LPP: variants seen among roughly 807,000 people sequenced by gnomAD.
LPP encodes the protein LIM domain containing preferred translocation partner in lipoma.
Under a neutral mutation model 60.4 loss-of-function variants are expected in LPP, and 38 were observed. The ratio of observed to expected loss-of-function variants is 0.63; its 90% CI spans 0.49 to 0.83. LPP has a LOEUF of 0.83. LPP is among the 40% of genes least tolerant of loss of function. LPP has a pLI of 0.00. For synonymous variants in LPP, 328 were observed against 290.8 expected (o/e 1.13, Z -1.30); for missense variants, 902 against 783.6 (o/e 1.15, Z -1.80).
Position 188,195,115 on chromosome 3 carries a change from T to C in LPP, c.-189-30290T>C, listed in dbSNP as rs1451593223. 2.0e-5 allele frequency among the ~76,000 whole-genome samples: 3 copies of C among 152,074 alleles called. No homozygotes were observed. The East Asian group carries it at 5.8e-4, about 29-fold the overall frequency. On this transcript the variant is annotated intron_variant, in intron 1 of 11. Transcript: ENST00000617246. ...CTCTACTAAAAGTACAAAAATTAGC[T>C]GGGCGTCGTGGCTTGTGGCTATAAT...
chr3:188,879,443 C>G lies in LPP; in HGVS notation c.*4964C>G. 1 of 209,206 alleles carries G rather than the reference C, an allele frequency of 4.8e-6. No individual in the cohort carries two copies. Among genetic ancestry groups the G allele is most frequent in the Non-Finnish European group, 9.7e-6 (1 of 102,876 alleles). The allele number at this position is 209,206 out of a possible 1,614,324, so 13.0% of individuals were successfully genotyped here. On this transcript the variant is annotated 3_prime_UTR_variant, in exon 12 of 12. Coordinates refer to ENST00000617246, the MANE Select transcript of LPP (RefSeq NM_001375462.1). ...ATATATGTGGCATCCATAAAATCTT[C>G]TTTTATAGGGGCATATTTTTTAGGT...
intron 4 of LPP, among the ~76,000 whole-genome samples, chr3:188,456,047 C>T (rs1449725759): frequency 6.6e-6 from 1 of 152,126 alleles, no homozygotes; most frequent in Non-Finnish European, 1.5e-5. Context: ...TGTGCCCCAC[C>T]ACACCTGGCT....
chr3:188,329,238 GT>G (rs1473240757), intron 2 of LPP, among the ~76,000 whole-genome samples: 1 of 152,192 alleles, frequency 6.6e-6, no homozygotes, highest in Non-Finnish European at 1.5e-5. Context: ...GCACAAGTTA[GT>G]GGCGGAGCTG....
intron 6 of LPP, among the ~76,000 whole-genome samples, chr3:188,594,275 G>A (rs1286329974): frequency 6.6e-6 from 1 of 152,178 alleles, no homozygotes; most frequent in East Asian, 1.9e-4. Context: ...TGAAGGGGAA[G>A]GAACTGAGTC....
At chr3:188,536,333 G>A (rs1193310751) in intron 6 of LPP, among the ~76,000 whole-genome samples, 5 of 150,330 alleles carry the variant, frequency 3.3e-5, no homozygotes, top group Admixed American at 2.7e-4. Flanking sequence ...TTTTTTTTGC[G>A]TTTACTGCCA....
At chr3:188,843,653 G>T (rs917497230) in intron 9 of LPP, among the ~76,000 whole-genome samples, 3 of 150,248 alleles carry the variant, frequency 2.0e-5, no homozygotes, top group African/African-American at 7.5e-5. Flanking sequence ...CGGGCGCAGT[G>T]GGGGGCGCCT....
chr3:188,352,148 A>G lies in LPP; in HGVS notation c.-10+10429A>G, dbSNP rs1480441905. 2.6e-5 allele frequency among the ~76,000 whole-genome samples: 4 copies of G among 152,214 alleles called. No homozygotes were observed. The highest frequency in any genetic ancestry group is 4.8e-5 in the African/African-American group (2 of 41,464). On this transcript the variant is annotated intron_variant, in intron 3 of 11. Coordinates refer to ENST00000617246, the MANE Select transcript of LPP (RefSeq NM_001375462.1). The surrounding 1 kb of genome is among the most constrained non-coding windows in gnomAD (Gnocchi z 4.4). ...GCAGGTCTTAAGGCTCTGTGATGGCAGAGTCTTCTGTATTGGACTGTGAAG... is the reference window on the plus strand; with the variant it reads ...GCAGGTCTTAAGGCTCTGTGATGGCGGAGTCTTCTGTATTGGACTGTGAAG...
chr3:188,315,687 C>T (rs75651426), intron 2 of LPP, among the ~76,000 whole-genome samples: 3,315 of 152,114 alleles, frequency 0.022, 127 homozygotes, highest in African/African-American at 0.075. Flanking sequence ...TTGGGTCTAC[C>T]GTTGTGCCTG....
intron 9 of LPP, among the ~76,000 whole-genome samples, chr3:188,828,297 G>A (rs1453671842): frequency 6.6e-6 from 1 of 151,890 alleles, no homozygotes; most frequent in African/African-American, 2.4e-5. Context: ...CCAGAGTTAG[G>A]CAGCCTGAGC....
At chr3:188,406,965 C>T (rs537323195) in intron 4 of LPP, among the ~76,000 whole-genome samples, 5 of 152,062 alleles carry the variant, frequency 3.3e-5, no homozygotes, top group East Asian at 3.9e-4. Context: ...TACACTCACA[C>T]ACGAAGCCTC....
intron 4 of LPP, among the ~76,000 whole-genome samples, chr3:188,462,424 A>T (rs1405573661): frequency 1.3e-5 from 2 of 149,892 alleles, no homozygotes; most frequent in Non-Finnish European, 3.0e-5. Context: ...AATTGATTGT[A>T]TATTATTGCA....
chr3:188,857,647 CAGA>C (rs1218404197), intron 9 of LPP, among the ~76,000 whole-genome samples: 2 of 152,140 alleles, frequency 1.3e-5, no homozygotes, highest in East Asian at 1.9e-4. Context: ...AAGGTTTACA[CAGA>C]AGAAGAGCTT....
chr3:188,609,987 G>A lies in LPP; in HGVS notation c.1113+143G>A, dbSNP rs1580374883. 2 of 791,106 alleles carry A rather than the reference G, an allele frequency of 2.5e-6. No homozygotes were observed. Among genetic ancestry groups the A allele is most frequent in the Non-Finnish European group, 3.9e-6 (2 of 507,454 alleles). 49.0% of individuals were successfully genotyped at this position (791,106 alleles called of 1,614,324 possible). ...ACAATCCCAGGGAAGGATGAGTGAA[G>A]CCAGAGAGGAGAGAGAGACTACTTA... On this transcript the variant is annotated intron_variant, in intron 7 of 11. Transcript: ENST00000617246. The surrounding 1 kb of genome is among the most constrained non-coding windows in gnomAD (Gnocchi z 6.9).
At chr3:188,849,476 G>C (rs565097611) in intron 9 of LPP, among the ~76,000 whole-genome samples, 1 of 152,112 alleles carries the variant, frequency 6.6e-6, no homozygotes. Flanking sequence ...ATAAAGATGT[G>C]ATTTTTAATT....
At chr3:188,257,081 A>C (rs1230751398) in intron 2 of LPP, among the ~76,000 whole-genome samples, 1 of 152,156 alleles carries the variant, frequency 6.6e-6, no homozygotes. Flanking sequence ...GTGAAGCCTG[A>C]TCATGTGACC....
At chr3:188,586,632 A>C (rs1837508582) in intron 6 of LPP, among the ~76,000 whole-genome samples, 1 of 152,206 alleles carries the variant, frequency 6.6e-6, no homozygotes, top group African/African-American at 2.4e-5. Flanking sequence ...TTTCTATGAG[A>C]AATGAAACTG....
intron 1 of LPP, among the ~76,000 whole-genome samples, chr3:188,157,583 G>A (rs1300565412): frequency 6.6e-6 from 1 of 152,138 alleles, no homozygotes; most frequent in African/African-American, 2.4e-5. Context: ...CGGGGTTGGA[G>A]CCTGCTTACG....
chr3:188,833,220 G>C (rs1485244368), intron 9 of LPP, among the ~76,000 whole-genome samples: 1 of 152,228 alleles, frequency 6.6e-6, no homozygotes, highest in Non-Finnish European at 1.5e-5. Context: ...GGAAACTGCT[G>C]ATGCAGAGAT....
chr3:188,335,355 A>G (rs1761348848), intron 2 of LPP, among the ~76,000 whole-genome samples: 1 of 152,142 alleles, frequency 6.6e-6, no homozygotes, highest in Non-Finnish European at 1.5e-5. Flanking sequence ...ACCTGTGTTA[A>G]ACTATCCTTG....
Sources: allele counts gnomAD v4.1 joint callset (sites outside exome capture counted in the v4.1 genomes callset), GRCh38; gene constraint gnomAD v4.1.1; non-coding constraint Gnocchi (gnomAD v3.1); transcripts MANE v1.5; gene names NCBI Gene and HGNC (gene_info 2026-07-23, HGNC 2026-07-21).